The following SP140 variants were observed in gnomAD, a reference collection of about 807,000 sequenced individuals.
SP140 encodes nuclear body protein SP140.
In SP140, 81 loss-of-function variants were observed where a neutral mutation model predicts 125.0. That is an observed-to-expected ratio of 0.65 (90% CI 0.54 to 0.78). The LOEUF (loss-of-function observed/expected upper bound fraction) is 0.78, where lower values mean the gene tolerates loss of function less well. Among genes scored for constraint, SP140 ranks in the 30% least tolerant of loss-of-function variants. The pLI, the probability that SP140 is intolerant of heterozygous loss-of-function variation, is 0.00. For missense variants in SP140, 858 were observed against 1,037.0 expected (o/e 0.83, Z 2.37); for synonymous variants, 312 against 354.0 (o/e 0.88, Z 1.33).
At chr2:230,201,971 C>G (rs1263152103), upstream of SP140, among the ~76,000 whole-genome samples, 1 of 152,096 alleles carries the variant, frequency 6.6e-6, no homozygotes, top group Non-Finnish European at 1.5e-5. Context: ...TGTGTAAGGC[C>G]AGATTTTCTT....
intron 15 of SP140, among the ~76,000 whole-genome samples, chr2:230,279,573 A>G (rs1282257695): frequency 6.6e-6 from 1 of 152,180 alleles, no homozygotes; most frequent in African/African-American, 2.4e-5. Context: ...CTTTATGTAG[A>G]TGTTCCACGC....
At chr2:230,286,689 A>G (rs925315782) in intron 17 of SP140, among the ~76,000 whole-genome samples, 4 of 152,220 alleles carry the variant, frequency 2.6e-5, no homozygotes, top group African/African-American at 9.6e-5. Context: ...TGAACCTGGC[A>G]TAATCAGTTC....
chr2:230,231,691 A>T (rs1437927209), intron 1 of SP140, among the ~76,000 whole-genome samples: 1 of 151,914 alleles, frequency 6.6e-6, no homozygotes, highest in Admixed American at 6.6e-5. Flanking sequence ...TTTTAAAAGA[A>T]TTTCTCCCTC....
chr2:230,309,785 T>C lies in SP140; in HGVS notation c.2059-139T>C, dbSNP rs374297153. 76 of 782,322 alleles carry C rather than the reference T, an allele frequency of 9.7e-5. No homozygotes were observed. In the African/African-American group the frequency reaches 1.2e-3, roughly 12 times the overall value. 48.5% of individuals were successfully genotyped at this position (782,322 alleles called of 1,614,324 possible). ...TTTGTTCTGAAATCTCCATGCCATG[T>C]TTTTCCTTCATATCCCAGGGAGAAG... On this transcript the variant is annotated intron_variant, in intron 22 of 26. Transcript: ENST00000392045.
chr2:230,190,000 G>A, the SP140 span, among the ~76,000 whole-genome samples: 8 of 152,256 alleles, frequency 5.3e-5, no homozygotes, highest in Admixed American at 2.0e-4. Flanking sequence ...GGTAAATACT[G>A]CTGCGATAAA....
chr2:230,209,832 T>C, intron 1 of SP140: 1 of 792,090 alleles, frequency 1.3e-6, no homozygotes, highest in African/African-American at 1.7e-5. Context: ...ATCAGGACTG[T>C]GGTCACATAG....
chr2:230,210,587 T>C (rs2044359388), intron 1 of SP140, among the ~76,000 whole-genome samples: 1 of 152,208 alleles, frequency 6.6e-6, no homozygotes. Context: ...TAAGGATTGT[T>C]TGAAGAAAGC....
intron 15 of SP140, among the ~76,000 whole-genome samples, chr2:230,282,424 A>G (rs1371906879): frequency 6.6e-6 from 1 of 152,160 alleles, no homozygotes; most frequent in African/African-American, 2.4e-5. Context: ...AAATTTCCCC[A>G]TGAAGACACC....
In SP140 at chr2:230,220,109, A is replaced by G. The variant is rs1283626848; in HGVS notation, c.-90-5646A>G. On this transcript the variant is annotated intron_variant, in intron 3 of 4. Transcript: ENST00000456542. ...AGCCTCTCTCCACCTCCTCATGGGCACTTGTGAGGCTCCCAGGACGTCTTG... is the reference window on the plus strand; with the variant it reads ...AGCCTCTCTCCACCTCCTCATGGGCGCTTGTGAGGCTCCCAGGACGTCTTG... The G allele has an allele frequency of 4.1e-6, 4 of 983,212 alleles. No homozygotes were observed. In the African/African-American group the frequency reaches 5.2e-5, roughly 13 times the overall value. 60.9% of individuals were successfully genotyped at this position (983,212 alleles called of 1,614,324 possible).
At chr2:230,199,857 G>C (rs192547191), upstream of SP140, among the ~76,000 whole-genome samples, 22 of 152,202 alleles carry the variant, frequency 1.4e-4, 1 homozygote, top group Admixed American at 8.5e-4. Context: ...TATTCTTTCT[G>C]CCCCTTCCTT....
chr2:230,269,017 G>A (rs934102867), intron 12 of SP140, among the ~76,000 whole-genome samples: 3 of 152,194 alleles, frequency 2.0e-5, no homozygotes, highest in African/African-American at 7.2e-5. Flanking sequence ...GTTTTATAGA[G>A]AGTTTTAGGA....
downstream of SP140, among the ~76,000 whole-genome samples, chr2:230,314,959 A>G (rs1224057271): frequency 6.6e-6 from 1 of 152,240 alleles, no homozygotes; most frequent in Non-Finnish European, 1.5e-5. Context: ...TGAGGGCAAG[A>G]TAAAGTAATT....
chr2:230,270,498 T>C, intron 14 of SP140, 88 bp from the exon 15 acceptor site: 1 of 1,300,666 alleles, frequency 7.7e-7, no homozygotes. Flanking sequence ...CTGTATAAAC[T>C]CAAGCCTTCT....
intron 18 of SP140, among the ~76,000 whole-genome samples, chr2:230,290,062 G>C (rs1035924135): frequency 6.6e-6 from 1 of 152,074 alleles, no homozygotes; most frequent in African/African-American, 2.4e-5. Flanking sequence ...TGCTCAAATG[G>C]GGAGACTGAA....
chr2:230,198,456 T>C (rs1284280777), upstream of SP140, among the ~76,000 whole-genome samples: 1 of 152,226 alleles, frequency 6.6e-6, no homozygotes, highest in African/African-American at 2.4e-5. Flanking sequence ...GTTGTTCCTC[T>C]TTCTCTGGTC....
intron 3 of SP140, among the ~76,000 whole-genome samples, chr2:230,220,322 A>G (rs978260636): frequency 3.9e-5 from 6 of 152,224 alleles, no homozygotes; most frequent in African/African-American, 9.6e-5. Context: ...AGGTTGATGA[A>G]AATGTTCTCA....
chr2:230,270,599 T>A lies in SP140; in HGVS notation c.1458T>A (p.Ile486=). ...GTTATTTTCCAGATACTGTGGATAT[T>A]GCAAACAACTCCACTTTGGGAAAAC... ...QACGTMDTVD[I]ANNSTLGKPK... The change falls in exon 15 of 27, where the codon ATT becomes ATA. Residue 486 remains isoleucine, a synonymous_variant. Transcript: ENST00000392045. 3 of 1,609,658 alleles carry A rather than the reference T, an allele frequency of 1.9e-6. No homozygotes were observed. The highest frequency in any genetic ancestry group is 2.2e-5 in the South Asian group (2 of 90,690).
At chr2:230,255,005 C>A (rs1250841678) in intron 11 of SP140, among the ~76,000 whole-genome samples, 2 of 152,046 alleles carry the variant, frequency 1.3e-5, no homozygotes, top group African/African-American at 4.8e-5. Flanking sequence ...TTCCTGATAC[C>A]CAGTATGAAA....
At chr2:230,294,515 T>C (rs1341875502) in intron 21 of SP140, among the ~76,000 whole-genome samples, 197 bp downstream of exon 21, 1 of 152,178 alleles carries the variant, frequency 6.6e-6, no homozygotes, top group Non-Finnish European at 1.5e-5. Context: ...AGCTAGGTCC[T>C]GTTTGGATTC....
Sources: gnomAD v4.1 joint callset for allele counts (sites outside exome capture counted in the v4.1 genomes callset) on GRCh38, gnomAD v4.1.1 for gene constraint, MANE v1.5 for transcripts, NCBI Gene and HGNC (gene_info 2026-07-23, HGNC 2026-07-21) for gene names.